The following NKAIN3 variants were observed in gnomAD, a reference collection of about 807,000 sequenced individuals.
NKAIN3 encodes the protein sodium/potassium transporting ATPase interacting 3.
Under a neutral mutation model 30.2 loss-of-function variants are expected in NKAIN3, and 25 were observed. That is an observed-to-expected ratio of 0.83 (90% CI 0.60 to 1.16). The LOEUF (loss-of-function observed/expected upper bound fraction) is 1.16. Ranked by LOEUF, NKAIN3 falls within the 50% of genes most tolerant of loss-of-function variation. The pLI, the probability that NKAIN3 is intolerant of heterozygous loss-of-function variation, is 0.00. For synonymous variants in NKAIN3, 91 were observed against 89.6 expected, an observed-to-expected ratio of 1.02 and a Z score of -0.09; for missense variants, 225 against 254.1, an observed-to-expected ratio of 0.89 and a Z score of 0.78.
chr8:62,674,186 C>A (rs1192248391), intron 3 of NKAIN3, among the ~76,000 whole-genome samples: 2 of 152,154 alleles, frequency 1.3e-5, no homozygotes, highest in Admixed American at 1.3e-4. Context: ...CTGGCCACAT[C>A]CAGACATATG....
In NKAIN3 at chr8:62,729,033, A is replaced by AAAC. The variant is rs1554571491; in HGVS notation, c.274-17897_274-17896insCAA. Among the ~76,000 whole-genome samples the AAAC allele has an allele frequency of 4.9e-4, 55 of 111,902 alleles. 2 individuals are homozygous for AAAC. Among genetic ancestry groups the AAAC allele is most frequent in the African/African-American group, 2.1e-3 (55 of 26,254 alleles). 73.4% of individuals were successfully genotyped at this position (111,902 alleles called of 152,430 possible). A position where few individuals can be genotyped will look rare whatever the true frequency, so the allele number is the denominator to read the frequency against. The stretch of plus-strand genomic sequence containing the variant: ...AACAAAACAAACAAACCAAAAAAAA[A>AAAC]AAAAAACAAAAAAAAAAAACCTCCT... On this transcript the variant is annotated intron_variant, in intron 3 of 6. Coordinates refer to ENST00000623646, the MANE Select transcript of NKAIN3 (RefSeq NM_001304533.3).
intron 1 of NKAIN3, among the ~76,000 whole-genome samples, chr8:62,421,080 A>T (rs1804625404): frequency 6.6e-6 from 1 of 152,162 alleles, no homozygotes; most frequent in Non-Finnish European, 1.5e-5. Context: ...ACACCGCACA[A>T]GGTTGAGGAT....
intron 4 of NKAIN3, among the ~76,000 whole-genome samples, chr8:62,795,559 A>T (rs1451099995): frequency 6.6e-6 from 1 of 152,186 alleles, no homozygotes; most frequent in Non-Finnish European, 1.5e-5. Flanking sequence ...TTCAGCTAGA[A>T]GGTACTTAAC....
chr8:62,454,023 G>C (rs1585825911), intron 1 of NKAIN3, among the ~76,000 whole-genome samples: 1 of 151,884 alleles, frequency 6.6e-6, no homozygotes, highest in East Asian at 1.9e-4. Flanking sequence ...TAAACATTTA[G>C]AAATTAAGAC....
chr8:62,394,991 G>A (rs1435402834), intron 1 of NKAIN3, among the ~76,000 whole-genome samples: 1 of 136,160 alleles, frequency 7.3e-6, no homozygotes, highest in Non-Finnish European at 1.6e-5. Context: ...GTCGGCGGCC[G>A]GACAGAGGCG....
At chr8:62,768,140 T>C (rs1816901696) in intron 4 of NKAIN3, among the ~76,000 whole-genome samples, 2 of 152,146 alleles carry the variant, frequency 1.3e-5, no homozygotes, top group South Asian at 2.1e-4. Flanking sequence ...CTGTTCTAAG[T>C]GTAAAAACGA....
rs554174014 is a variant in NKAIN3 at position 62,281,514 on chromosome 8, G to T, written c.54+32387G>T. Among the ~76,000 whole-genome samples, 9 of 152,230 alleles carry T rather than the reference G, an allele frequency of 5.9e-5. No individual in the cohort carries two copies. The East Asian group carries it at 1.2e-3, about 20-fold the overall frequency. ...TCCTGCTTTCTCTTGTGGGCATTTA[G>T]TGCTATAAATTTCCCTCTACACACT... On this transcript the variant is annotated intron_variant, in intron 1 of 6. Transcript: ENST00000623646.
intron 1 of NKAIN3, among the ~76,000 whole-genome samples, chr8:62,412,909 C>CAAAAAAAA (rs71501599): frequency 5.1e-5 from 5 of 97,924 alleles, no homozygotes; most frequent in African/African-American, 8.4e-5. Flanking sequence ...GAGACTCCGT[C>CAAAAAAAA]AAAAAAAAAA....
At chr8:62,949,880 A>G (rs1823235027) in intron 5 of NKAIN3, among the ~76,000 whole-genome samples, 1 of 152,158 alleles carries the variant, frequency 6.6e-6, no homozygotes, top group Non-Finnish European at 1.5e-5. Context: ...TTGCTGTTAT[A>G]ACTACAGATT....
intron 1 of NKAIN3, among the ~76,000 whole-genome samples, chr8:62,466,477 G>A (rs1015906060): frequency 6.6e-6 from 1 of 152,138 alleles, no homozygotes; most frequent in Non-Finnish European, 1.5e-5. Context: ...GTGCAAATGA[G>A]CCATATGCAT....
rs542402445 is a variant in NKAIN3 at position 62,483,555 on chromosome 8, C to T, written c.55-95984C>T. ...TTCTCAGTACTAATTTCCAAGCAGACGGACCTCCACTTCTAGTCGATGTTC... is the reference window on the plus strand; with the variant it reads ...TTCTCAGTACTAATTTCCAAGCAGATGGACCTCCACTTCTAGTCGATGTTC... On this transcript the variant is annotated intron_variant, in intron 1 of 6. Transcript: ENST00000623646. 15 of 172,618 alleles carry T rather than the reference C, an allele frequency of 8.7e-5. No homozygotes were observed. The South Asian group carries it at 9.5e-4, about 11-fold the overall frequency. The allele number at this position is 172,618 out of a possible 1,614,324, so 10.7% of individuals were successfully genotyped here. A position where few individuals can be genotyped will look rare whatever the true frequency, so the allele number is the denominator to read the frequency against.
At chr8:62,370,238 A>G (rs564881909) in intron 1 of NKAIN3, among the ~76,000 whole-genome samples, 1 of 152,158 alleles carries the variant, frequency 6.6e-6, no homozygotes, top group African/African-American at 2.4e-5. Context: ...AACTTAAAAA[A>G]ATGTATAATT....
intron 3 of NKAIN3, among the ~76,000 whole-genome samples, chr8:62,695,725 G>A (rs912023022): frequency 3.3e-5 from 5 of 152,158 alleles, no homozygotes; most frequent in Non-Finnish European, 5.9e-5. Flanking sequence ...CTGACATGTT[G>A]CTTTTTTGTA....
chr8:62,911,895 G>C (rs1821934723), intron 4 of NKAIN3, among the ~76,000 whole-genome samples: 1 of 152,130 alleles, frequency 6.6e-6, no homozygotes, highest in African/African-American at 2.4e-5. Context: ...AAAAACCTAA[G>C]GAACATTAGC....
intron 4 of NKAIN3, among the ~76,000 whole-genome samples, chr8:62,911,233 T>C (rs943072246): frequency 3.3e-5 from 5 of 152,316 alleles, no homozygotes; most frequent in East Asian, 1.9e-4. Context: ...ATGAAGACTT[T>C]AGCTTTACAC....
intron 3 of NKAIN3, among the ~76,000 whole-genome samples, chr8:62,622,488 T>A (rs1811647154): frequency 6.6e-6 from 1 of 152,068 alleles, no homozygotes; most frequent in African/African-American, 2.4e-5. Context: ...CTAATAGGTG[T>A]GTAGTGATAT....
At chr8:62,554,932 T>C (rs543615555) in intron 1 of NKAIN3, among the ~76,000 whole-genome samples, 10 of 151,942 alleles carry the variant, frequency 6.6e-5, no homozygotes, top group African/African-American at 1.9e-4. Flanking sequence ...ATGCAGTATT[T>C]TTCTTTTCCT....
intron 4 of NKAIN3, among the ~76,000 whole-genome samples, chr8:62,799,775 C>T (rs902251828): frequency 6.6e-6 from 1 of 152,032 alleles, no homozygotes; most frequent in Non-Finnish European, 1.5e-5. Context: ...TTTGTAATTG[C>T]AAAACTATGG....
intron 4 of NKAIN3, among the ~76,000 whole-genome samples, chr8:62,851,394 C>A (rs541273134): frequency 3.9e-5 from 6 of 151,998 alleles, no homozygotes; most frequent in Admixed American, 2.6e-4. Flanking sequence ...CAATCATGTC[C>A]TCTGCAAACA....
Sources: gnomAD v4.1 joint callset for allele counts (sites outside exome capture counted in the v4.1 genomes callset) on GRCh38, gnomAD v4.1.1 for gene constraint, MANE v1.5 for transcripts, NCBI Gene and HGNC (gene_info 2026-07-23, HGNC 2026-07-21) for gene names.